Variants in TACC2 observed in about 807,000 individuals in gnomAD.
TACC2 encodes the protein transforming acidic coiled-coil-containing protein 2.
Under a neutral mutation model 227.3 loss-of-function variants are expected in TACC2, and 137 were observed. That is an observed-to-expected ratio of 0.60 (90% confidence interval 0.52 to 0.69). TACC2 has a LOEUF of 0.69. Among genes scored for constraint, TACC2 ranks in the 30% least tolerant of loss-of-function variants. TACC2 has a pLI of 0.00. For missense variants in TACC2, 3,470 were observed against 3,694.4 expected, an observed-to-expected ratio of 0.94 and a Z score of 1.57; for synonymous variants, 1,523 against 1,487.5, an observed-to-expected ratio of 1.02 and a Z score of -0.55.
At chr10:122,117,191 C>CTTTTTTTTTTTTTTTT (rs71482688) in intron 5 of TACC2, among the ~76,000 whole-genome samples, 1 of 129,816 alleles carries the variant, frequency 7.7e-6, no homozygotes. Flanking sequence ...TCTTAGAAAT[C>CTTTTTTTTTTTTTTTT]TTTTTTTTTT....
chr10:122,148,384 G>A (rs1489047257), intron 7 of TACC2, among the ~76,000 whole-genome samples: 2 of 152,260 alleles, frequency 1.3e-5, no homozygotes, highest in East Asian at 1.9e-4. Context: ...GATTACAGGC[G>A]TGAGCCACCA....
In TACC2 at chr10:122,083,134, C is replaced by T. The variant is rs764016618; in HGVS notation, c.634C>T (p.Pro212Ser). ...PVPLREPMKA[P>S]LCGEGDQPGG... ...ACCCCTCAGAGAGCCAATGAAGGCA[C>T]CGCTGTGTGGAGAGGGGGACCAGCC... is the stretch of plus-strand genomic sequence containing the variant. The change falls in exon 4 of 23, where the codon CCG becomes TCG. Residue 212 changes from proline (P) to serine (S), a missense_variant. By Grantham distance (74) the Pro-to-Ser change is moderately conservative. Transcript: ENST00000369005. 1.6e-5 allele frequency: 26 copies of T among 1,613,062 alleles called. No individual in the cohort carries two copies. Among genetic ancestry groups the T allele is most frequent in the Non-Finnish European group, 2.2e-5 (26 of 1,180,032 alleles).
chr10:122,160,618 C>T (rs191091828), intron 7 of TACC2, among the ~76,000 whole-genome samples: 79 of 152,122 alleles, frequency 5.2e-4, no homozygotes, highest in Admixed American at 1.8e-3. Context: ...TAATCTAATT[C>T]TAATTACCTC....
chr10:122,048,087 C>T (rs576882785), intron 2 of TACC2, among the ~76,000 whole-genome samples: 7 of 152,192 alleles, frequency 4.6e-5, no homozygotes, highest in African/African-American at 7.2e-5. Flanking sequence ...ACAAGTCTGA[C>T]GGTCTCAAGA....
chr10:122,073,621 A>G (rs1220140245), intron 3 of TACC2, among the ~76,000 whole-genome samples: 1 of 152,190 alleles, frequency 6.6e-6, no homozygotes, highest in Non-Finnish European at 1.5e-5. Flanking sequence ...AAGGTTTCCA[A>G]GAAACAAATT....
At chr10:122,076,841 G>A (rs1591740903) in intron 3 of TACC2, among the ~76,000 whole-genome samples, 1 of 152,140 alleles carries the variant, frequency 6.6e-6, no homozygotes, top group East Asian at 1.9e-4. Flanking sequence ...TGGGCCGGGT[G>A]CGGTGGCTCA....
Position 122,234,667 on chromosome 10 carries a change from G to C in TACC2, c.8128-2728G>C, listed in dbSNP as rs144046271. 5.2e-3 allele frequency among the ~76,000 whole-genome samples: 795 copies of C among 152,338 alleles called. 10 individuals are homozygous for C. Among genetic ancestry groups the C allele is most frequent in the African/African-American group, 0.018 (757 of 41,566 alleles). On this transcript the variant is annotated intron_variant, in intron 16 of 22. Transcript: ENST00000369005. ...CCAGGTGGCCGGGATGAAGGGGTCAGTGAACAGTCTACATGGTAGTGTCCA... is the reference window on the plus strand; with the variant it reads ...CCAGGTGGCCGGGATGAAGGGGTCACTGAACAGTCTACATGGTAGTGTCCA...
Position 122,211,517 on chromosome 10 carries a change from A to G in TACC2, c.7092A>G (p.Gln2364=), listed in dbSNP as rs771171727. 2 of 1,613,734 alleles carry G rather than the reference A, an allele frequency of 1.2e-6. No individual in the cohort carries two copies. The highest frequency in any genetic ancestry group is 8.5e-7 in the Non-Finnish European group (1 of 1,179,896). Residue 2364 remains glutamine, a synonymous_variant, in exon 9 of 23, where the codon CAA becomes CAG. Transcript: ENST00000369005. ...SKMQESPKLP[Q]QSYNFDPDTC... The stretch of plus-strand genomic sequence containing the variant: ...TGCAGGAGTCTCCCAAACTGCCCCA[A>G]CAATCATACAACTTTGACCCAGACA...
At chr10:122,118,425 A>G (rs933406740) in intron 5 of TACC2, among the ~76,000 whole-genome samples, 3 of 152,092 alleles carry the variant, frequency 2.0e-5, no homozygotes, top group Non-Finnish European at 4.4e-5. Flanking sequence ...GCCGTGTGCC[A>G]AGGTCTCTCT....
chr10:122,243,316 T>C (rs961523249), intron 19 of TACC2, among the ~76,000 whole-genome samples: 1 of 152,154 alleles, frequency 6.6e-6, no homozygotes, highest in Non-Finnish European at 1.5e-5. Flanking sequence ...ACGCTTTATG[T>C]GTCCAAGTTT....
At chr10:122,074,404 T>A (rs935648137) in intron 3 of TACC2, among the ~76,000 whole-genome samples, 2 of 152,150 alleles carry the variant, frequency 1.3e-5, no homozygotes, top group African/African-American at 4.8e-5. Context: ...CTTACACACC[T>A]AGCAGTCATA....
intron 5 of TACC2, among the ~76,000 whole-genome samples, chr10:122,108,442 C>CTTTTTTTTT (rs34097153): frequency 8.6e-4 from 77 of 90,018 alleles, no homozygotes; most frequent in East Asian, 1.8e-3. Flanking sequence ...GTCATATTTT[C>CTTTTTTTTT]TTTTTTTTTT....
intron 6 of TACC2, among the ~76,000 whole-genome samples, chr10:122,135,345 T>C (rs2089393122): frequency 6.6e-6 from 1 of 152,014 alleles, no homozygotes; most frequent in Non-Finnish European, 1.5e-5. Flanking sequence ...TGACCAAGAG[T>C]GACCACAGAA....
intron 7 of TACC2, among the ~76,000 whole-genome samples, chr10:122,156,220 A>C (rs958061548): frequency 2.7e-5 from 4 of 148,304 alleles, no homozygotes; most frequent in African/African-American, 9.9e-5. Context: ...ATTTAACAAA[A>C]TGTAGACTTT....
At chr10:121,990,836 G>A (rs1952999047) in intron 1 of TACC2, among the ~76,000 whole-genome samples, 2 of 152,146 alleles carry the variant, frequency 1.3e-5, no homozygotes, top group Non-Finnish European at 2.9e-5. Context: ...TACCCAGGCT[G>A]GAGTGTAGTG....
chr10:122,148,011 G>T (rs2091604113), intron 7 of TACC2, among the ~76,000 whole-genome samples: 1 of 152,140 alleles, frequency 6.6e-6, no homozygotes, highest in South Asian at 2.1e-4. Flanking sequence ...AGTTCCTGGA[G>T]GTTTTCAAAG....
intron 7 of TACC2, among the ~76,000 whole-genome samples, chr10:122,168,672 G>T (rs1019022998): frequency 6.6e-6 from 1 of 152,200 alleles, no homozygotes; most frequent in Non-Finnish European, 1.5e-5. Flanking sequence ...GAACAGCTAG[G>T]ACTTGGATAC....
At chr10:122,105,562 A>G (rs561421755) in intron 5 of TACC2, among the ~76,000 whole-genome samples, 1 of 151,438 alleles carries the variant, frequency 6.6e-6, no homozygotes, top group Admixed American at 6.6e-5. Context: ...TTGGTTCCGT[A>G]TTCCTGCTTC....
chr10:122,126,152 C>A (rs2086807739), intron 5 of TACC2, among the ~76,000 whole-genome samples: 1 of 152,174 alleles, frequency 6.6e-6, no homozygotes, highest in African/African-American at 2.4e-5. Flanking sequence ...TGAGTGCCAC[C>A]ATTAAGGTTT....
Sources: gnomAD v4.1 joint callset for allele counts (sites outside exome capture counted in the v4.1 genomes callset) on GRCh38, gnomAD v4.1.1 for gene constraint, MANE v1.5 for transcripts, NCBI Gene and HGNC (gene_info 2026-07-23, HGNC 2026-07-21) for gene names.